The following CAMTA1 variants were observed in gnomAD, a reference collection of about 807,000 sequenced individuals.
The protein encoded by CAMTA1 is calmodulin binding transcription activator 1, also known as calmodulin-binding transcription activator 1.
A neutral mutation model predicts 170.9 loss-of-function variants in CAMTA1; 27 were observed. The ratio of observed to expected loss-of-function variants is 0.16; its 90% CI spans 0.12 to 0.22. CAMTA1 has a LOEUF of 0.22. Among genes scored for constraint, CAMTA1 ranks in the 10% least tolerant of loss-of-function variants. The pLI, the probability that CAMTA1 is intolerant of heterozygous loss-of-function variation, is 1.00. For missense variants in CAMTA1, 1,619 were observed against 2,217.2 expected (o/e 0.73, Z 5.42); for synonymous variants, 833 against 891.5 (o/e 0.93, Z 1.17).
At position 6,887,822 on chromosome 1, in the gene CAMTA1, T is replaced by C; in HGVS notation, c.234+62612T>C. The C allele has an allele frequency of 6.8e-7, 1 of 1,478,884 alleles. No homozygotes were observed. The highest frequency in any genetic ancestry group is 8.9e-7 in the Non-Finnish European group (1 of 1,119,146). 91.6% of individuals were successfully genotyped at this position (1,478,884 alleles called of 1,614,324 possible). On this transcript the variant is annotated intron_variant, in intron 3 of 22. Transcript: ENST00000303635. This position sits in a 1 kb window ranked among gnomAD's most constrained non-coding sequence, Gnocchi z 4.1. ...AAGACAGTTCTATTAGTGAATTAAC[T>C]GTTCTCAAAACCCCAAATTAATTTG...
intron 10 of CAMTA1, among the ~76,000 whole-genome samples, chr1:7,675,796 A>T (rs902033129): frequency 6.6e-6 from 1 of 152,060 alleles, no homozygotes; most frequent in African/African-American, 2.4e-5. Flanking sequence ...CGGGGAAGGG[A>T]AGAGCGAGTC....
At chr1:7,749,938 C>G in intron 19 of CAMTA1, 1 of 350,274 alleles carries the variant, frequency 2.9e-6, no homozygotes, top group East Asian at 7.6e-5. Context: ...CACAGTTCCT[C>G]TGTCGTCTGG....
At chr1:7,531,529 GTCCAGGAAGGAGATC>G (rs1466378839) in intron 6 of CAMTA1, among the ~76,000 whole-genome samples, 3 of 152,208 alleles carry the variant, frequency 2.0e-5, no homozygotes, top group African/African-American at 4.8e-5. Flanking sequence ...GGAACCCCAA[GTCCAGGAAGGAGATC>G]TCCAGGAAGG....
At chr1:7,590,805 A>G (rs1459012928) in intron 6 of CAMTA1, among the ~76,000 whole-genome samples, 1 of 152,244 alleles carries the variant, frequency 6.6e-6, no homozygotes. Context: ...GAGCCCAGAG[A>G]GAGAGGGGAG....
intron 3 of CAMTA1, among the ~76,000 whole-genome samples, chr1:7,075,939 A>G (rs569181866): frequency 2.0e-4 from 31 of 152,308 alleles, no homozygotes; most frequent in African/African-American, 7.5e-4. Flanking sequence ...CTGGGATTAT[A>G]GGTGTAAACC....
intron 7 of CAMTA1, among the ~76,000 whole-genome samples, chr1:7,644,966 G>A (rs750283941): frequency 2.6e-5 from 4 of 152,336 alleles, no homozygotes; most frequent in Admixed American, 6.5e-5. Context: ...CTGAGGCGCC[G>A]TCTGAGGCCT....
At chr1:7,350,787 T>C (rs1418313133) in intron 5 of CAMTA1, among the ~76,000 whole-genome samples, 1 of 152,204 alleles carries the variant, frequency 6.6e-6, no homozygotes, top group Non-Finnish European at 1.5e-5. Context: ...ACAACACATA[T>C]GCACCATGCT....
chr1:6,893,379 G>A (rs1232928590), intron 3 of CAMTA1, among the ~76,000 whole-genome samples: 2 of 152,234 alleles, frequency 1.3e-5, no homozygotes, highest in Non-Finnish European at 2.9e-5. Context: ...CCTCTTTGGC[G>A]TGGGTGGGCG....
intron 5 of CAMTA1, among the ~76,000 whole-genome samples, chr1:7,272,705 A>AAG (rs1670005751): frequency 2.0e-5 from 3 of 147,280 alleles, no homozygotes; most frequent in Non-Finnish European, 4.5e-5. Context: ...AAAAAAAAAA[A>AAG]AAAAAAAAAA....
At chr1:7,692,383 G>C (rs1371900552) in intron 11 of CAMTA1, among the ~76,000 whole-genome samples, 1 of 152,162 alleles carries the variant, frequency 6.6e-6, no homozygotes, top group East Asian at 1.9e-4. Context: ...CAGAGAGGGA[G>C]GGGGTTTCTC....
chr1:7,024,424 T>C (rs1310686410), intron 3 of CAMTA1, among the ~76,000 whole-genome samples: 1 of 152,072 alleles, frequency 6.6e-6, no homozygotes, highest in Non-Finnish European at 1.5e-5. Flanking sequence ...AAATATAAAA[T>C]GGGGAAAATG....
intron 6 of CAMTA1, among the ~76,000 whole-genome samples, chr1:7,498,633 T>C (rs542321274): frequency 7.3e-5 from 11 of 151,208 alleles, no homozygotes; most frequent in Non-Finnish European, 1.6e-4. Context: ...TGTGTATGAG[T>C]GTGCATGCAT....
intron 4 of CAMTA1, among the ~76,000 whole-genome samples, chr1:7,235,977 T>C (rs1663772334): frequency 1.3e-5 from 2 of 152,230 alleles, no homozygotes. Flanking sequence ...TTGGTTTTCA[T>C]ATCTGGCAGA....
chr1:7,179,861 A>G (rs1444053676), intron 4 of CAMTA1, among the ~76,000 whole-genome samples: 1 of 152,184 alleles, frequency 6.6e-6, no homozygotes, highest in Non-Finnish European at 1.5e-5. Context: ...AAAAGAAAGC[A>G]CAAGAAACAT....
chr1:6,827,293 C>T (rs1647347955), intron 3 of CAMTA1, among the ~76,000 whole-genome samples: 1 of 152,210 alleles, frequency 6.6e-6, no homozygotes, highest in Non-Finnish European at 1.5e-5. Context: ...ATGGGTGAAG[C>T]CATGCAGCAC....
At chr1:7,298,328 C>T (rs573677790) in intron 5 of CAMTA1, among the ~76,000 whole-genome samples, 4 of 1,428 alleles carry the variant, frequency 2.8e-3, no homozygotes, top group South Asian at 0.038. Context: ...ATCCACCCCC[C>T]ACCCCGCAGG....
chr1:7,577,675 A>G (rs1339652799), intron 6 of CAMTA1, among the ~76,000 whole-genome samples: 1 of 152,030 alleles, frequency 6.6e-6, no homozygotes, highest in Non-Finnish European at 1.5e-5. Flanking sequence ...CAGTGGTCTC[A>G]TAAGGTTTTA....
intron 5 of CAMTA1, among the ~76,000 whole-genome samples, chr1:7,254,619 C>T (rs1384815188): frequency 6.6e-6 from 1 of 151,982 alleles, no homozygotes; most frequent in African/African-American, 2.4e-5. Context: ...GAGACTTGGC[C>T]TCATTAGAAG....
intron 4 of CAMTA1, among the ~76,000 whole-genome samples, chr1:7,201,583 A>G (rs1332694369): frequency 1.3e-5 from 2 of 152,210 alleles, no homozygotes; most frequent in South Asian, 2.1e-4. Context: ...CCTCCTGGGT[A>G]TTAAAGTGTC....
Sources: allele counts gnomAD v4.1 joint callset (sites outside exome capture counted in the v4.1 genomes callset), GRCh38; gene constraint gnomAD v4.1.1; non-coding constraint Gnocchi (gnomAD v3.1); transcripts MANE v1.5; gene names NCBI Gene and HGNC (gene_info 2026-07-23, HGNC 2026-07-21).